The following EPHA7 variants were observed in gnomAD, a reference collection of about 807,000 sequenced individuals.
The protein encoded by EPHA7 is EPH receptor A7.
Under a neutral mutation model 112.6 loss-of-function variants are expected in EPHA7, and 25 were observed. That is an observed-to-expected ratio of 0.22 (90% CI 0.16 to 0.31). EPHA7 has a LOEUF of 0.31. EPHA7 is among the 10% of genes least tolerant of loss of function. EPHA7 has a pLI of 1.00. For missense variants in EPHA7, 962 were observed against 1,212.6 expected (o/e 0.79, Z 3.07); for synonymous variants, 437 against 406.5 (o/e 1.07, Z -0.90).
At chr6:93,287,446 A>G (rs759771829) in intron 5 of EPHA7, among the ~76,000 whole-genome samples, 3 of 151,346 alleles carry the variant, frequency 2.0e-5, no homozygotes, top group East Asian at 1.9e-4. Flanking sequence ...AGTAGCATTA[A>G]TATTTTTAAT....
chr6:93,257,311 A>G (rs1562048009), intron 12 of EPHA7, 151 bp downstream of exon 12: 1 of 573,708 alleles, frequency 1.7e-6, no homozygotes, highest in East Asian at 3.0e-5. Context: ...TCTAGTCTTG[A>G]ACTCTGATTA....
chr6:93,376,550 C>A (rs1777068895), intron 3 of EPHA7, among the ~76,000 whole-genome samples: 1 of 152,190 alleles, frequency 6.6e-6, no homozygotes, highest in South Asian at 2.1e-4. Context: ...GCAGAAGATG[C>A]TTCTTCCAAC....
chr6:93,368,868 T>C (rs970444752), intron 3 of EPHA7, among the ~76,000 whole-genome samples: 2 of 152,084 alleles, frequency 1.3e-5, no homozygotes, highest in African/African-American at 4.8e-5. Flanking sequence ...GGATCAATAC[T>C]AAGTCTTGTG....
intron 5 of EPHA7, among the ~76,000 whole-genome samples, chr6:93,299,357 GA>G (rs559349740): frequency 0.017 from 2,386 of 136,860 alleles, 37 homozygotes; most frequent in African/African-American, 0.044. Flanking sequence ...ATAAAATAAA[GA>G]AAAAAAAAAG....
chr6:93,278,537 T>G (rs1771575371), intron 5 of EPHA7, among the ~76,000 whole-genome samples: 1 of 152,202 alleles, frequency 6.6e-6, no homozygotes, highest in African/African-American at 2.4e-5. Context: ...CAACAAGTAA[T>G]ACTATCTTTT....
intron 5 of EPHA7, among the ~76,000 whole-genome samples, chr6:93,306,444 A>G (rs959480260): frequency 1.3e-5 from 2 of 152,044 alleles, no homozygotes; most frequent in African/African-American, 4.8e-5. Flanking sequence ...ATTTCTTTTG[A>G]ACTAGCCAAT....
intron 5 of EPHA7, among the ~76,000 whole-genome samples, chr6:93,293,588 A>G (rs924513205): frequency 3.3e-5 from 5 of 152,154 alleles, no homozygotes; most frequent in Non-Finnish European, 7.4e-5. Flanking sequence ...ACTGGTATCA[A>G]ACAACTTTGA....
chr6:93,373,184 C>G (rs907838700), intron 3 of EPHA7, among the ~76,000 whole-genome samples: 83 of 151,882 alleles, frequency 5.5e-4, no homozygotes, highest in African/African-American at 2.0e-3. Context: ...CAGCTAGAAA[C>G]CACTAGTTCT....
At chr6:93,314,472 A>G (rs1022714293) in intron 5 of EPHA7, among the ~76,000 whole-genome samples, 13 of 152,276 alleles carry the variant, frequency 8.5e-5, no homozygotes, top group African/African-American at 2.9e-4. Context: ...TCCAACCTCC[A>G]TATCTGTTTT....
chr6:93,240,625 G>A lies in EPHA7; in HGVS notation c.*2801C>T, dbSNP rs546195509. 4.6e-6 allele frequency: 1 copy of A among 216,318 alleles called. No homozygotes were observed. Among genetic ancestry groups the A allele is most frequent in the African/African-American group, 2.2e-5 (1 of 44,496 alleles). 13.4% of individuals were successfully genotyped at this position (216,318 alleles called of 1,614,324 possible). On this transcript the variant is annotated 3_prime_UTR_variant, in exon 17 of 17. Transcript: ENST00000369303. ...AACACAGGTCAAGTGTGAGGACAGT[G>A]TTCTAAAAAAGGTGGCTCTATTAAA...
intron 5 of EPHA7, among the ~76,000 whole-genome samples, chr6:93,328,306 T>A (rs1188543717): frequency 6.6e-6 from 1 of 151,546 alleles, no homozygotes; most frequent in Admixed American, 6.6e-5. Context: ...TATATTTCTG[T>A]CTGTTCTACT....
intron 5 of EPHA7, among the ~76,000 whole-genome samples, chr6:93,281,877 C>T (rs1771758071): frequency 6.6e-6 from 1 of 151,858 alleles, no homozygotes; most frequent in Admixed American, 6.6e-5. Flanking sequence ...ATTTGATGTA[C>T]AATAACTGTA....
intron 3 of EPHA7, among the ~76,000 whole-genome samples, chr6:93,381,929 C>T (rs1777355315): frequency 2.6e-5 from 4 of 152,118 alleles, no homozygotes; most frequent in Admixed American, 2.6e-4. Context: ...GTTCCTCTTC[C>T]ACTTTAATCC....
intron 1 of EPHA7, among the ~76,000 whole-genome samples, chr6:93,416,199 C>T (rs961423840): frequency 6.6e-6 from 1 of 152,110 alleles, no homozygotes. Flanking sequence ...ATCGATAAAT[C>T]GTTGGACTAG....
rs1582374209 is a variant in EPHA7, at chr6:93,241,501, A to C, written c.*1925T>G. ...CTAGGTGACTGTATTATGCTAATTA[A>C]AATTATTTTTACAGATTACTTTTCC... On this transcript the variant is annotated 3_prime_UTR_variant, in exon 17 of 17. Coordinates refer to ENST00000369303, the MANE Select transcript of EPHA7 (RefSeq NM_004440.4). 1 of 215,464 alleles carries C rather than the reference A, an allele frequency of 4.6e-6. No individual in the cohort carries two copies. The highest frequency in any genetic ancestry group is 7.0e-5 in the East Asian group (1 of 14,376). 13.3% of individuals were successfully genotyped at this position (215,464 alleles called of 1,614,324 possible).
At chr6:93,365,989 A>G (rs1776489261) in intron 3 of EPHA7, among the ~76,000 whole-genome samples, 1 of 152,312 alleles carries the variant, frequency 6.6e-6, no homozygotes, top group Non-Finnish European at 1.5e-5. Flanking sequence ...AGAATGTAAA[A>G]TGAAATAAAA....
intron 3 of EPHA7, among the ~76,000 whole-genome samples, chr6:93,402,620 A>T (rs1323821552): frequency 6.6e-6 from 1 of 152,084 alleles, no homozygotes; most frequent in East Asian, 1.9e-4. Flanking sequence ...CTCAAATAGG[A>T]GAAAAATGTT....
chr6:93,379,805 C>T (rs1777246294), intron 3 of EPHA7, among the ~76,000 whole-genome samples: 1 of 151,896 alleles, frequency 6.6e-6, no homozygotes, highest in African/African-American at 2.4e-5. Flanking sequence ...AGACATACAC[C>T]TAGACATACA....
intron 3 of EPHA7, among the ~76,000 whole-genome samples, chr6:93,385,891 C>T (rs1410991102): frequency 6.6e-6 from 1 of 152,264 alleles, no homozygotes; most frequent in African/African-American, 2.4e-5. Context: ...GACGCAAACA[C>T]GTCCTTCTTC....
Sources: gnomAD v4.1 joint callset for allele counts (sites outside exome capture counted in the v4.1 genomes callset) on GRCh38, gnomAD v4.1.1 for gene constraint, MANE v1.5 for transcripts, NCBI Gene and HGNC (gene_info 2026-07-23, HGNC 2026-07-21) for gene names.